PARD3B: variants seen among roughly 807,000 people sequenced by gnomAD.
PARD3B encodes partitioning defective 3 homolog B.
A neutral mutation model predicts 130.2 loss-of-function variants in PARD3B; 103 were observed. The ratio of observed to expected loss-of-function variants is 0.79; its 90% CI spans 0.67 to 0.93. The LOEUF is 0.93. Among genes scored for constraint, PARD3B ranks in the 40% least tolerant of loss-of-function variants. The pLI is 0.00. For missense variants in PARD3B, 1,609 were observed against 1,499.2 expected, an observed-to-expected ratio of 1.07 and a Z score of -1.21; for synonymous variants, 583 against 553.2, an observed-to-expected ratio of 1.05 and a Z score of -0.76.
At chr2:204,687,336 T>C (rs2037136468) in intron 2 of PARD3B, among the ~76,000 whole-genome samples, 1 of 152,162 alleles carries the variant, frequency 6.6e-6, no homozygotes, top group African/African-American at 2.4e-5. Context: ...TTAGCGATTT[T>C]ATAGTCTATT....
chr2:205,141,392 CAATT>C (rs67596778), intron 10 of PARD3B, among the ~76,000 whole-genome samples: 6 of 152,138 alleles, frequency 3.9e-5, no homozygotes, highest in African/African-American at 9.7e-5. Flanking sequence ...ACTTTTCAAT[CAATT>C]GTTTAGATGT....
intron 15 of PARD3B, among the ~76,000 whole-genome samples, chr2:205,205,268 A>G (rs1427958464): frequency 1.3e-5 from 2 of 152,158 alleles, no homozygotes; most frequent in African/African-American, 4.8e-5. Context: ...GTGTATAGGA[A>G]TGCTTGTGAT....
chr2:205,132,722 C>A (rs1221026707), intron 10 of PARD3B, among the ~76,000 whole-genome samples: 1 of 152,090 alleles, frequency 6.6e-6, no homozygotes, highest in African/African-American at 2.4e-5. Flanking sequence ...GATGTGAATC[C>A]CTGCTTTGCA....
At chr2:204,710,068 T>C (rs899563200) in intron 2 of PARD3B, among the ~76,000 whole-genome samples, 3 of 152,242 alleles carry the variant, frequency 2.0e-5, no homozygotes, top group Non-Finnish European at 4.4e-5. Context: ...ACCTGTCTAT[T>C]TAATACTTCT....
At chr2:205,531,919 ATTAT>A (rs558988214) in intron 21 of PARD3B, among the ~76,000 whole-genome samples, 56 of 152,184 alleles carry the variant, frequency 3.7e-4, no homozygotes, top group African/African-American at 1.1e-3. Flanking sequence ...GGATGGGTTG[ATTAT>A]TTATTATCTT....
chr2:205,391,118 G>A (rs1405964749), intron 18 of PARD3B, among the ~76,000 whole-genome samples: 10 of 152,194 alleles, frequency 6.6e-5, no homozygotes, highest in Admixed American at 2.6e-4. Flanking sequence ...CAAGTCAAAC[G>A]GGCAACCTCC....
intron 1 of PARD3B, among the ~76,000 whole-genome samples, chr2:204,570,617 A>G (rs562844466): frequency 1.3e-5 from 2 of 152,236 alleles, no homozygotes; most frequent in Non-Finnish European, 2.9e-5. Context: ...TGTTAAAAGC[A>G]ACCTTTTAGG....
chr2:205,608,074 A>G (rs59072822), intron 22 of PARD3B, among the ~76,000 whole-genome samples: 7 of 152,152 alleles, frequency 4.6e-5, no homozygotes, highest in African/African-American at 1.7e-4. Flanking sequence ...TACTGCAAAA[A>G]TTGCATGTGC....
At chr2:204,661,815 T>G (rs1270927227) in intron 1 of PARD3B, among the ~76,000 whole-genome samples, 1 of 152,204 alleles carries the variant, frequency 6.6e-6, no homozygotes, top group Non-Finnish European at 1.5e-5. Context: ...ACAGATTTCT[T>G]TAGTGTCTGA....
intron 20 of PARD3B, among the ~76,000 whole-genome samples, chr2:205,478,785 G>A (rs947085436): frequency 6.6e-6 from 1 of 152,124 alleles, no homozygotes; most frequent in African/African-American, 2.4e-5. Context: ...GAGCTTGGAC[G>A]TTCTCACAGT....
intron 19 of PARD3B, among the ~76,000 whole-genome samples, chr2:205,411,458 C>G (rs1416479405): frequency 1.3e-5 from 2 of 152,184 alleles, no homozygotes; most frequent in African/African-American, 4.8e-5. Flanking sequence ...ACAAACTTAT[C>G]TGCTTCAAGT....
chr2:204,782,850 G>C (rs1344020490), intron 2 of PARD3B, among the ~76,000 whole-genome samples: 3 of 152,016 alleles, frequency 2.0e-5, no homozygotes, highest in African/African-American at 7.2e-5. Context: ...TTTCCATACT[G>C]TTGGTTATTA....
chr2:204,936,884 A>T (rs1358452242), intron 2 of PARD3B, among the ~76,000 whole-genome samples: 2 of 152,266 alleles, frequency 1.3e-5, no homozygotes, highest in African/African-American at 4.8e-5. Flanking sequence ...ATAGAATTTG[A>T]TATATAAGAA....
intron 1 of PARD3B, among the ~76,000 whole-genome samples, chr2:204,556,193 A>C (rs1312016559): frequency 2.6e-5 from 4 of 152,176 alleles, no homozygotes; most frequent in Non-Finnish European, 5.9e-5. Context: ...TATCACCAAA[A>C]TGTAGTAGCT....
At chr2:204,797,500 T>C (rs1353505523) in intron 2 of PARD3B, among the ~76,000 whole-genome samples, 1 of 152,186 alleles carries the variant, frequency 6.6e-6, no homozygotes, top group East Asian at 1.9e-4. Flanking sequence ...TATTATGCTG[T>C]TCTCATAAAG....
chr2:205,072,503 G>A (rs1361585496), intron 4 of PARD3B, among the ~76,000 whole-genome samples: 1 of 151,974 alleles, frequency 6.6e-6, no homozygotes, highest in East Asian at 1.9e-4. Flanking sequence ...TACCCACCGT[G>A]GCCTCCCCAA....
chr2:204,631,164 A>G lies in PARD3B; in HGVS notation c.121-55017A>G, dbSNP rs116938095. On this transcript the variant is annotated intron_variant, in intron 1 of 22. Coordinates refer to ENST00000406610, the MANE Select transcript of PARD3B (RefSeq NM_001302769.2). Reference sequence around the variant, plus strand: ...CTGGTACAGCTATCTTTTTCTCATTAGTTTCAAAAAATTTCTTGATTCCTG... The same window carrying G: ...CTGGTACAGCTATCTTTTTCTCATTGGTTTCAAAAAATTTCTTGATTCCTG... Among the ~76,000 whole-genome samples the G allele has an allele frequency of 5.9e-5, 9 of 151,800 alleles. 1 individual carries two copies. The East Asian group carries it at 1.7e-3, about 29-fold the overall frequency.
At chr2:205,614,729 A>G (rs2055358784) in intron 22 of PARD3B, among the ~76,000 whole-genome samples, 1 of 151,926 alleles carries the variant, frequency 6.6e-6, no homozygotes, top group Non-Finnish European at 1.5e-5. Context: ...AAAAAAAAAA[A>G]AGAGCTCTAG....
At chr2:205,084,990 G>T (rs1189407885) in intron 4 of PARD3B, among the ~76,000 whole-genome samples, 1 of 151,944 alleles carries the variant, frequency 6.6e-6, no homozygotes. Context: ...GTTTCTAGCT[G>T]TTCTGCTTAA....
Sources: gnomAD v4.1 joint callset for allele counts (sites outside exome capture counted in the v4.1 genomes callset) on GRCh38, gnomAD v4.1.1 for gene constraint, MANE v1.5 for transcripts, NCBI Gene and HGNC (gene_info 2026-07-23, HGNC 2026-07-21) for gene names.